COL4A1: variants seen among roughly 807,000 people sequenced by gnomAD.
COL4A1 encodes the protein collagen type IV alpha 1 chain.
A neutral mutation model predicts 216.6 loss-of-function variants in COL4A1; 40 were observed. The observed-to-expected ratio is 0.18, with a 90% CI of 0.14 to 0.24. The LOEUF is 0.24. COL4A1 is among the 10% of genes least tolerant of loss of function. COL4A1 has a pLI of 1.00. For missense variants in COL4A1, 1,628 were observed against 2,196.8 expected, an observed-to-expected ratio of 0.74 and a Z score of 5.18; for synonymous variants, 839 against 810.7, an observed-to-expected ratio of 1.03 and a Z score of -0.59.
At chr13:110,192,961 G>A (rs1446879777) in intron 22 of COL4A1, 48 bp from the exon 23 acceptor site, 3 of 1,537,828 alleles carry the variant, frequency 2.0e-6, no homozygotes, top group Admixed American at 1.7e-5. Flanking sequence ...GTGACCAGAA[G>A]TCTCCGCAGT....
chr13:110,233,885 C>T (rs1401969885), intron 2 of COL4A1, among the ~76,000 whole-genome samples: 6 of 152,212 alleles, frequency 3.9e-5, no homozygotes, highest in Non-Finnish European at 7.4e-5. Flanking sequence ...GCTTCTGTCA[C>T]GGATGGAACA....
intron 1 of COL4A1, among the ~76,000 whole-genome samples, chr13:110,280,766 T>A (rs544720804): frequency 5.3e-4 from 80 of 152,330 alleles, no homozygotes; most frequent in African/African-American, 1.9e-3. Flanking sequence ...TAGTAATACA[T>A]GAATATAAAT....
intron 2 of COL4A1, among the ~76,000 whole-genome samples, chr13:110,242,057 C>T (rs1018722786): frequency 2.6e-5 from 4 of 152,172 alleles, no homozygotes; most frequent in African/African-American, 9.7e-5. Context: ...GATAAAAAAA[C>T]AGCCAGGCAC....
chr13:110,247,877 A>C (rs1566411346), intron 1 of COL4A1, among the ~76,000 whole-genome samples: 2 of 148,318 alleles, frequency 1.3e-5, no homozygotes, highest in South Asian at 4.3e-4. Flanking sequence ...AGAAGGGTGC[A>C]GTGTTATACA....
chr13:110,193,886 G>A lies in COL4A1; in HGVS notation c.1382-973C>T, dbSNP rs559499260. On this transcript the variant is annotated intron_variant, in intron 22 of 51. Transcript: ENST00000375820. The stretch of plus-strand genomic sequence containing the variant: ...CTAAGTTCTGGGCACTGGGGCATTC[G>A]TGGGTGTGTCTGTTCGCAAGGCTTC... Among the ~76,000 whole-genome samples the A allele has an allele frequency of 8.0e-4, 122 of 152,334 alleles. 1 individual carries two copies. The highest frequency in any genetic ancestry group is 1.2e-3 in the Non-Finnish European group (82 of 68,032).
chr13:110,272,629 G>A (rs973247002), intron 1 of COL4A1, among the ~76,000 whole-genome samples: 1 of 152,200 alleles, frequency 6.6e-6, no homozygotes, highest in African/African-American at 2.4e-5. Context: ...CCACAATGGT[G>A]ACACTTCGCT....
Position 110,212,491 on chromosome 13 carries a change from A to G in COL4A1, c.325-12T>C, listed in dbSNP as rs1879857004. 5.0e-6 allele frequency: 8 copies of G among 1,614,234 alleles called. No individual in the cohort carries two copies. The highest frequency in any genetic ancestry group is 6.8e-6 in the Non-Finnish European group (8 of 1,180,050). On this transcript the variant is annotated splice_polypyrimidine_tract_variant and intron_variant, in intron 5 of 51. Transcript: ENST00000375820. ...TGGCCAGGAATTCCCTGCAATGAAG[A>G]AAGTGAAAATGTAACCCAGGCAGAA...
chr13:110,209,894 T>A, intron 10 of COL4A1, 86 bp downstream of exon 10: 5 of 1,493,280 alleles, frequency 3.3e-6, no homozygotes, highest in Non-Finnish European at 3.7e-6. Flanking sequence ...CTGTGTAAAG[T>A]TTTTACTAAA....
At chr13:110,302,700 T>C (rs1884542786) in intron 1 of COL4A1, among the ~76,000 whole-genome samples, 1 of 152,192 alleles carries the variant, frequency 6.6e-6, no homozygotes, top group Non-Finnish European at 1.5e-5. Context: ...TCAGAAGAAA[T>C]TCACCATTAA....
intron 2 of COL4A1, among the ~76,000 whole-genome samples, chr13:110,231,212 C>T (rs1566397048): frequency 6.6e-6 from 1 of 152,194 alleles, no homozygotes; most frequent in Non-Finnish European, 1.5e-5. Flanking sequence ...CATGGGGACA[C>T]AGAGAGTCAA....
intron 1 of COL4A1, among the ~76,000 whole-genome samples, chr13:110,286,170 A>G (rs1360756000): frequency 6.6e-6 from 1 of 152,196 alleles, no homozygotes; most frequent in African/African-American, 2.4e-5. Context: ...AGAACGACCA[A>G]GGACAGCATT....
chr13:110,209,438 C>A lies in COL4A1; in HGVS notation c.616-11G>T, dbSNP rs645114. 1 of 1,588,542 alleles carries A rather than the reference C, an allele frequency of 6.3e-7. No individual in the cohort carries two copies. The highest frequency in any genetic ancestry group is 2.2e-5 in the East Asian group (1 of 44,794). On this transcript the variant is annotated splice_polypyrimidine_tract_variant and intron_variant, in intron 10 of 51. Coordinates refer to ENST00000375820, the MANE Select transcript of COL4A1 (RefSeq NM_001845.6). Reference sequence around the variant, plus strand: ...AGGGCCTGGGGGACCCTGGGAGAGACAGCATTTTAATTAAATAGGATTCAG... The same window carrying A: ...AGGGCCTGGGGGACCCTGGGAGAGAAAGCATTTTAATTAAATAGGATTCAG...
chr13:110,200,129 G>A (rs9515167), intron 20 of COL4A1, among the ~76,000 whole-genome samples: 20,657 of 152,316 alleles, frequency 0.14, 1,748 homozygotes, highest in East Asian at 0.29. Context: ...TAAAGGCTGC[G>A]AACACTCCGT....
At chr13:110,236,745 G>C (rs866411015) in intron 2 of COL4A1, among the ~76,000 whole-genome samples, 2 of 152,226 alleles carry the variant, frequency 1.3e-5, no homozygotes, top group Non-Finnish European at 2.9e-5. Context: ...GCTCACGCTG[G>C]GGGTGTTTCT....
At chr13:110,263,995 G>C (rs1377853285) in intron 1 of COL4A1, among the ~76,000 whole-genome samples, 1 of 152,158 alleles carries the variant, frequency 6.6e-6, no homozygotes, top group Non-Finnish European at 1.5e-5. Flanking sequence ...AAAAGAAAAA[G>C]TTCAGGACAT....
chr13:110,151,750 G>A (rs983739421), intron 51 of COL4A1, among the ~76,000 whole-genome samples: 4 of 152,148 alleles, frequency 2.6e-5, no homozygotes, highest in African/African-American at 7.2e-5. Flanking sequence ...CCTGGCCTTC[G>A]GGGACCGGCC....
intron 1 of COL4A1, among the ~76,000 whole-genome samples, chr13:110,279,235 T>C (rs1332827052): frequency 6.6e-6 from 1 of 152,172 alleles, no homozygotes; most frequent in Non-Finnish European, 1.5e-5. Context: ...ATCTGATCTA[T>C]TTTTGCTTCT....
chr13:110,174,399 C>T (rs1361415794), intron 39 of COL4A1, 47 bp downstream of exon 39: 2 of 1,605,316 alleles, frequency 1.2e-6, no homozygotes, highest in Non-Finnish European at 1.7e-6. Context: ...ATCCCCTGGC[C>T]ACTGTTCTCT....
intron 2 of COL4A1, among the ~76,000 whole-genome samples, chr13:110,218,732 G>A (rs887700111): frequency 3.9e-5 from 6 of 152,194 alleles, no homozygotes; most frequent in African/African-American, 1.4e-4. Flanking sequence ...ACTGGCTGGA[G>A]TCCGCAGCAG....
Sources: allele counts gnomAD v4.1 joint callset (sites outside exome capture counted in the v4.1 genomes callset), GRCh38; gene constraint gnomAD v4.1.1; transcripts MANE v1.5; gene names NCBI Gene and HGNC (gene_info 2026-07-23, HGNC 2026-07-21).